COL4A6: variants seen among roughly 807,000 people sequenced by gnomAD.
The protein encoded by COL4A6 is collagen type IV alpha 6 chain, also known as collagen alpha-6(IV) chain.
A neutral mutation model predicts 126.7 loss-of-function variants in COL4A6; 59 were observed. The observed-to-expected ratio is 0.47, with a 90% CI of 0.38 to 0.58. The LOEUF is 0.58. Ranked by LOEUF, COL4A6 falls within the 20% of genes least tolerant of loss-of-function variation. The probability of loss-of-function intolerance (pLI) is 0.00; values close to 1 mark genes in which losing one functional copy is unlikely to be tolerated. For missense variants in COL4A6, 1,285 were observed against 1,337.3 expected (o/e 0.96, Z 0.61); for synonymous variants, 547 against 496.6 (o/e 1.10, Z -1.35).
At chrX:108,330,345 T>C (rs1198695082) in intron 2 of COL4A6, among the ~76,000 whole-genome samples, 1 of 111,494 alleles carries the variant, frequency 9.0e-6, no homozygotes, top group Non-Finnish European at 1.9e-5. Context: ...TTGAAAATAT[T>C]CATGTGCTGT....
chrX:108,172,401 C>T (rs1228088507), intron 32 of COL4A6, 68 bp downstream of exon 32: 2 of 638,512 alleles, frequency 3.1e-6, no homozygotes, highest in African/African-American at 2.3e-5. Context: ...GAGAGAGACC[C>T]TTGGGCCTGC....
intron 3 of COL4A6, among the ~76,000 whole-genome samples, chrX:108,294,736 T>C (rs1451438431): frequency 1.8e-5 from 2 of 111,192 alleles, no homozygotes; most frequent in Non-Finnish European, 3.8e-5. Flanking sequence ...TGTTACCTCA[T>C]CTGCAAAATG....
intron 2 of COL4A6, among the ~76,000 whole-genome samples, chrX:108,320,770 T>C (rs1033332327): frequency 1.8e-5 from 2 of 112,128 alleles, no homozygotes; most frequent in Non-Finnish European, 3.8e-5. Flanking sequence ...TCATACAGCA[T>C]AATGAAACTA....
intron 2 of COL4A6, among the ~76,000 whole-genome samples, chrX:108,312,486 G>C (rs2038786829): frequency 8.9e-6 from 1 of 111,866 alleles, no homozygotes; most frequent in South Asian, 3.8e-4. Context: ...GTTTTAATAA[G>C]GGTGAGATCA....
chrX:108,363,627 T>C (rs1454816944), intron 2 of COL4A6, among the ~76,000 whole-genome samples: 5 of 112,199 alleles, frequency 4.5e-5, no homozygotes, highest in Non-Finnish European at 9.4e-5. Flanking sequence ...ACCATGTGCA[T>C]GTACTTCTGC....
At chrX:108,272,889 G>A (rs781205181) in intron 3 of COL4A6, among the ~76,000 whole-genome samples, 1 of 109,370 alleles carries the variant, frequency 9.1e-6, no homozygotes, top group Non-Finnish European at 1.9e-5. Flanking sequence ...TGAGTTCTAG[G>A]TGTCTGTATT....
chrX:108,243,306 C>T (rs779119777), intron 3 of COL4A6, among the ~76,000 whole-genome samples: 2 of 96,120 alleles, frequency 2.1e-5, no homozygotes, highest in East Asian at 5.4e-4. Flanking sequence ...AAGCCCCCCT[C>T]CCCCATGTGA....
intron 2 of COL4A6, among the ~76,000 whole-genome samples, chrX:108,330,825 T>G (rs200884132): frequency 1.8e-5 from 2 of 111,525 alleles, no homozygotes; most frequent in East Asian, 5.7e-4. Context: ...TCATCACAAC[T>G]ATGTCATTAC....
chrX:108,167,732 T>C (rs1311019580), intron 37 of COL4A6, among the ~76,000 whole-genome samples: 2 of 111,633 alleles, frequency 1.8e-5, no homozygotes, highest in Non-Finnish European at 3.8e-5. Context: ...TGGGGCGTGG[T>C]ATGATATTTC....
chrX:108,394,507 G>A (rs1358657340), intron 2 of COL4A6, among the ~76,000 whole-genome samples: 2 of 111,279 alleles, frequency 1.8e-5, no homozygotes, highest in African/African-American at 6.5e-5. Flanking sequence ...AAAGATGGGA[G>A]GGGTATCTTT....
At chrX:108,356,293 C>A (rs2039959283) in intron 2 of COL4A6, among the ~76,000 whole-genome samples, 1 of 109,481 alleles carries the variant, frequency 9.1e-6, no homozygotes, top group South Asian at 4.0e-4. Flanking sequence ...AACTAACCTG[C>A]ACATTGTGCA....
chrX:108,165,556 A>G (rs1053967585), intron 37 of COL4A6, 70 bp from the exon 38 acceptor site: 11 of 745,701 alleles, frequency 1.5e-5, no homozygotes, highest in African/African-American at 2.1e-5. Context: ...TCTTTCAGAG[A>G]AAATGGAAGC....
chrX:108,359,695 A>G (rs762007868), intron 2 of COL4A6, among the ~76,000 whole-genome samples: 96 of 112,396 alleles, frequency 8.5e-4, no homozygotes, highest in Non-Finnish European at 1.4e-3. Flanking sequence ...GGAACAATGT[A>G]TCAATGCAGA....
intron 23 of COL4A6, among the ~76,000 whole-genome samples, chrX:108,181,859 C>T (rs1352191918): frequency 8.9e-6 from 1 of 112,060 alleles, no homozygotes; most frequent in Non-Finnish European, 1.9e-5. Context: ...ATAAGCCTTG[C>T]CTATTCATTA....
At chrX:108,321,704 G>A (rs746826124) in intron 2 of COL4A6, among the ~76,000 whole-genome samples, 12 of 110,819 alleles carry the variant, frequency 1.1e-4, no homozygotes, top group Non-Finnish European at 1.5e-4. Flanking sequence ...ACAAGATGCT[G>A]AGGTATATAT....
chrX:108,393,901 T>A (rs2040893876), intron 2 of COL4A6, among the ~76,000 whole-genome samples: 1 of 111,800 alleles, frequency 8.9e-6, no homozygotes, highest in Non-Finnish European at 1.9e-5. Flanking sequence ...GAAATACCAT[T>A]TGATACAGCA....
At chrX:108,369,446 C>T (rs909157861) in intron 2 of COL4A6, among the ~76,000 whole-genome samples, 1 of 111,854 alleles carries the variant, frequency 8.9e-6, no homozygotes, top group Non-Finnish European at 1.9e-5. Context: ...TGAGGAGGTT[C>T]TGTTAAAAAC....
rs1314947292 is a variant in COL4A6, at chrX:108,226,051, G to T, written c.145-4677C>A. Among the ~76,000 whole-genome samples the T allele has an allele frequency of 2.7e-5, 3 of 112,508 alleles. No individual in the cohort carries two copies. In the Admixed American group the frequency reaches 2.8e-4, roughly 11 times the overall value. Reference sequence around the variant, plus strand: ...ATCCAGTTGTATTGTAGAAGGTGATGCAGTGCTGTTAGGTACACTTTAAAT... The same window carrying T: ...ATCCAGTTGTATTGTAGAAGGTGATTCAGTGCTGTTAGGTACACTTTAAAT... On this transcript the variant is annotated intron_variant, in intron 3 of 44. Coordinates refer to ENST00000334504, the MANE Select transcript of COL4A6 (RefSeq NM_033641.4).
At chrX:108,388,558 G>C (rs2040755683) in intron 2 of COL4A6, among the ~76,000 whole-genome samples, 1 of 111,420 alleles carries the variant, frequency 9.0e-6, no homozygotes, top group Non-Finnish European at 1.9e-5. Flanking sequence ...GATTGTTGGT[G>C]ATATCCCCTT....
Sources: gnomAD v4.1 joint callset for allele counts (sites outside exome capture counted in the v4.1 genomes callset) on GRCh38, gnomAD v4.1.1 for gene constraint, MANE v1.5 for transcripts, NCBI Gene and HGNC (gene_info 2026-07-23, HGNC 2026-07-21) for gene names.